PIK3CD: variants seen among roughly 807,000 people sequenced by gnomAD.
PIK3CD encodes phosphatidylinositol 4,5-bisphosphate 3-kinase catalytic subunit delta isoform.
In PIK3CD, 20 loss-of-function variants were observed where a neutral mutation model predicts 122.9. That is an observed-to-expected ratio of 0.16 (90% CI 0.11 to 0.24). The LOEUF is 0.24. Among genes scored for constraint, PIK3CD ranks in the 10% least tolerant of loss-of-function variants. The pLI, the probability that PIK3CD is intolerant of heterozygous loss-of-function variation, is 1.00. For synonymous variants in PIK3CD, 596 were observed against 593.4 expected, an observed-to-expected ratio of 1.00 and a Z score of -0.06; for missense variants, 787 against 1,406.3, an observed-to-expected ratio of 0.56 and a Z score of 7.04.
At chr1:9,712,834 G>A (rs907915166) in intron 3 of PIK3CD, among the ~76,000 whole-genome samples, 1 of 151,976 alleles carries the variant, frequency 6.6e-6, no homozygotes, top group Non-Finnish European at 1.5e-5. Context: ...CCAGGAGTTC[G>A]AGACCAGCCT....
rs1246879487 is a variant in PIK3CD at position 9,689,845 on chromosome 1, G to A, written c.-137-1622G>A. ...TGGGGCGGGGTGGGCAGGGTCGGTG[G>A]AGGCGATCAGGGGTCCGGGGCCGTG... On this transcript the variant is annotated intron_variant, in intron 1 of 23. Transcript: ENST00000377346. This position sits in a 1 kb window ranked among gnomAD's most constrained non-coding sequence, Gnocchi z 6.1. Among the ~76,000 whole-genome samples the A allele has an allele frequency of 2.0e-5, 3 of 151,894 alleles. No individual in the cohort carries two copies. The highest frequency in any genetic ancestry group is 4.4e-5 in the Non-Finnish European group (3 of 67,836).
At position 9,722,595 on chromosome 1, in the gene PIK3CD, G is replaced by T; in HGVS notation, c.2415G>T (p.Gly805=). The T allele has an allele frequency of 1.2e-6, 2 of 1,613,532 alleles. No homozygotes were observed. The highest frequency in any genetic ancestry group is 2.2e-5 in the East Asian group (1 of 44,858). The change falls in exon 19 of 24, where the codon GGG becomes GGT. Residue 805 remains glycine (G), a synonymous_variant. Coordinates refer to ENST00000377346, the MANE Select transcript of PIK3CD (RefSeq NM_005026.5). The surrounding 1 kb of genome is among the most constrained non-coding windows in gnomAD (Gnocchi z 7.6). ...QLMDVLWKQE[G]LDLRMTPYGC... ...TGGACGTCCTGTGGAAGCAGGAGGG[G>T]CTGGACCTGAGGTGAGGACCCCCAC...
At chr1:9,684,695 G>A (rs1281232828) in intron 1 of PIK3CD, among the ~76,000 whole-genome samples, 1 of 150,804 alleles carries the variant, frequency 6.6e-6, no homozygotes, top group Non-Finnish European at 1.5e-5. Flanking sequence ...AGACCTCATC[G>A]CTACAAAAAT....
rs1648949164 is a variant in PIK3CD, at chr1:9,723,105, C to T, written c.2427-20C>T. ...GCCCTTGACCATGCCATTTGCCCGT[C>T]CCTCTTCCCCCTTGCCTAGGATGAC... On this transcript the variant is annotated intron_variant, in intron 19 of 23. Coordinates refer to ENST00000377346, the MANE Select transcript of PIK3CD (RefSeq NM_005026.5). This position sits in a 1 kb window ranked among gnomAD's most constrained non-coding sequence, Gnocchi z 4.9. The T allele has an allele frequency of 6.2e-7, 1 of 1,612,688 alleles. No homozygotes were observed. The highest frequency in any genetic ancestry group is 1.3e-5 in the African/African-American group (1 of 74,910).
chr1:9,707,592 T>C (rs1048152935), intron 2 of PIK3CD, among the ~76,000 whole-genome samples: 2 of 152,052 alleles, frequency 1.3e-5, no homozygotes, highest in African/African-American at 4.8e-5. Flanking sequence ...CTCCCACTTA[T>C]AGGTGAGAAC....
At chr1:9,667,217 G>A (rs1339577206) in intron 1 of PIK3CD, among the ~76,000 whole-genome samples, 2 of 152,074 alleles carry the variant, frequency 1.3e-5, no homozygotes, top group Admixed American at 1.3e-4. Context: ...TGTAATCCCA[G>A]CTACTTGGGA....
intron 1 of PIK3CD, chr1:9,653,737 A>G (rs1201793068): frequency 6.5e-6 from 8 of 1,224,808 alleles, no homozygotes; most frequent in Non-Finnish European, 1.1e-6. Context: ...TCTCTAGAGC[A>G]GAAATGCCAA....
At chr1:9,726,098 A>T (rs942465070) in intron 23 of PIK3CD, among the ~76,000 whole-genome samples, 2 of 152,050 alleles carry the variant, frequency 1.3e-5, no homozygotes, top group African/African-American at 4.8e-5. Context: ...CTGTAATCCC[A>T]GCTACTCATG....
Position 9,720,724 on chromosome 1 carries a change from C to T in PIK3CD, c.1522-18C>T, listed in dbSNP as rs1407332408. ...CCGGCGTGGAACCAGAGCCCTCACT[C>T]CTGCCCACACCCCTCAGCAGCTGCA... is the stretch of plus-strand genomic sequence containing the variant. On this transcript the variant is annotated intron_variant, in intron 12 of 23. Coordinates refer to ENST00000377346, the MANE Select transcript of PIK3CD (RefSeq NM_005026.5). This position sits in a 1 kb window ranked among gnomAD's most constrained non-coding sequence, Gnocchi z 9.0. The T allele has an allele frequency of 1.2e-6, 2 of 1,608,480 alleles. No homozygotes were observed. The highest frequency in any genetic ancestry group is 1.3e-5 in the African/African-American group (1 of 74,892).
At chr1:9,645,175 C>T in the PIK3CD span, among the ~76,000 whole-genome samples, 1 of 151,838 alleles carries the variant, frequency 6.6e-6, no homozygotes, top group Non-Finnish European at 1.5e-5. Context: ...CACCCACCAC[C>T]ACACCTGGCT....
Position 9,722,786 on chromosome 1 carries a change from A to T in PIK3CD, c.2426+180A>T, listed in dbSNP as rs772880125. ...AGGCGGCGGGCAGCAGGATGCGTGA[A>T]GGCTGCTCCTGAGGCTTAGTGTGTA... is the stretch of plus-strand genomic sequence containing the variant. On this transcript the variant is annotated intron_variant, in intron 19 of 23. Transcript: ENST00000377346. The surrounding 1 kb of genome is among the most constrained non-coding windows in gnomAD (Gnocchi z 7.6). 1.3e-5 allele frequency among the ~76,000 whole-genome samples: 2 copies of T among 152,130 alleles called. No individual in the cohort carries two copies. Among genetic ancestry groups the T allele is most frequent in the Non-Finnish European group, 2.9e-5 (2 of 67,994 alleles).
Position 9,673,099 on chromosome 1 carries a change from C to CTTT in PIK3CD, c.-137-18353_-137-18351dup, listed in dbSNP as rs541906039. On this transcript the variant is annotated intron_variant, in intron 1 of 23. Transcript: ENST00000377346. Reference sequence around the variant, plus strand: ...CGTATAATCCACTTTTTTAATCCTACTTTTTTTTTTTTTTTTTGAGACAGG... The same window carrying CTTT: ...CGTATAATCCACTTTTTTAATCCTACTTTTTTTTTTTTTTTTTTTTGAGACAGG... 4.4e-3 allele frequency among the ~76,000 whole-genome samples: 602 copies of CTTT among 136,444 alleles called. 10 individuals carry two copies. Among genetic ancestry groups the CTTT allele is most frequent in the African/African-American group, 0.014 (531 of 37,122 alleles). The allele number at this position is 136,444 out of a possible 152,430, so 89.5% of individuals were successfully genotyped here. A position where few individuals can be genotyped will look rare whatever the true frequency, so the allele number is the denominator to read the frequency against.
Position 9,724,986 on chromosome 1 carries a change from C to A in PIK3CD, c.2997+50C>A. 2 of 1,607,720 alleles carry A rather than the reference C, an allele frequency of 1.2e-6. No individual in the cohort carries two copies. Among genetic ancestry groups the A allele is most frequent in the Non-Finnish European group, 8.5e-7 (1 of 1,177,626 alleles). On this transcript the variant is annotated intron_variant, in intron 23 of 23. Transcript: ENST00000377346. This position sits in a 1 kb window ranked among gnomAD's most constrained non-coding sequence, Gnocchi z 7.3. Reference sequence around the variant, plus strand: ...GTCGCCAGTGGACTTCCAAGGCCTGCCCCCGAGCAATGTGACCTAGGAGGG... The same window carrying A: ...GTCGCCAGTGGACTTCCAAGGCCTGACCCCGAGCAATGTGACCTAGGAGGG...
chr1:9,632,291 C>G, the PIK3CD span, among the ~76,000 whole-genome samples: 3 of 152,178 alleles, frequency 2.0e-5, no homozygotes, highest in Non-Finnish European at 2.9e-5. Context: ...GGATTGCAGG[C>G]GTGAGCCACC....
chr1:9,646,359 A>G, the PIK3CD span, among the ~76,000 whole-genome samples: 1 of 152,202 alleles, frequency 6.6e-6, no homozygotes, highest in Non-Finnish European at 1.5e-5. Flanking sequence ...AAACCAAGCA[A>G]GTTTATTAAC....
Position 9,718,063 on chromosome 1 carries a change from G to T in PIK3CD, c.1020+437G>T, listed in dbSNP as rs1647828171. 9 of 475,208 alleles carry T rather than the reference G, an allele frequency of 1.9e-5. No homozygotes were observed. In the Middle Eastern group the frequency reaches 2.8e-3, roughly 150 times the overall value. The allele number at this position is 475,208 out of a possible 1,614,324, so 29.4% of individuals were successfully genotyped here. ...CTCTAGGGGCTGAGCCCACCTCCCT[G>T]TTGTCTCTTAACACTTTCACACGCT... On this transcript the variant is annotated intron_variant, in intron 8 of 23. Transcript: ENST00000377346. This position sits in a 1 kb window ranked among gnomAD's most constrained non-coding sequence, Gnocchi z 7.2.
At chr1:9,648,451 C>T (rs1302185071), upstream of PIK3CD, among the ~76,000 whole-genome samples, 2 of 152,030 alleles carry the variant, frequency 1.3e-5, no homozygotes, top group African/African-American at 2.4e-5. Context: ...CAGAGGGCAG[C>T]GTTGAAAGTG....
At chr1:9,684,401 G>GT (rs1163123941) in intron 1 of PIK3CD, among the ~76,000 whole-genome samples, 4 of 152,002 alleles carry the variant, frequency 2.6e-5, no homozygotes, top group Non-Finnish European at 5.9e-5. Flanking sequence ...GCTGGGCATG[G>GT]TGGCAGGCCC....
the PIK3CD span, among the ~76,000 whole-genome samples, chr1:9,635,553 A>T: frequency 6.6e-6 from 1 of 152,132 alleles, no homozygotes; most frequent in East Asian, 1.9e-4. Context: ...GAAATCACTG[A>T]TTGGCTCGCC....
Sources: gnomAD v4.1 joint callset for allele counts (sites outside exome capture counted in the v4.1 genomes callset) on GRCh38, gnomAD v4.1.1 for gene constraint, Gnocchi (gnomAD v3.1) non-coding constraint, MANE v1.5 for transcripts, NCBI Gene and HGNC (gene_info 2026-07-23, HGNC 2026-07-21) for gene names.